Variants in SLC39A11 observed in about 807,000 individuals in gnomAD.
SLC39A11 encodes the protein solute carrier family 39 member 11, also known as zinc transporter ZIP11.
A neutral mutation model predicts 36.1 loss-of-function variants in SLC39A11; 33 were observed. The observed-to-expected ratio is 0.91, with a 90% CI of 0.69 to 1.22. The LOEUF (loss-of-function observed/expected upper bound fraction) is 1.22. Ranked by LOEUF, SLC39A11 falls within the 50% of genes most tolerant of loss-of-function variation. The pLI, the probability that SLC39A11 is intolerant of heterozygous loss-of-function variation, is 0.00. For missense variants in SLC39A11, 432 were observed against 430.3 expected, an observed-to-expected ratio of 1.00 and a Z score of -0.03; for synonymous variants, 166 against 170.3, an observed-to-expected ratio of 0.97 and a Z score of 0.20.
intron 3 of SLC39A11, among the ~76,000 whole-genome samples, chr17:73,063,825 T>C (rs1237585630): frequency 6.6e-6 from 1 of 152,202 alleles, no homozygotes; most frequent in Non-Finnish European, 1.5e-5. Flanking sequence ...GAAATCTTCA[T>C]GCATAATTAC....
chr17:72,887,511 G>C (rs187200462), intron 5 of SLC39A11, among the ~76,000 whole-genome samples: 8 of 152,340 alleles, frequency 5.3e-5, no homozygotes, highest in Non-Finnish European at 1.0e-4. Context: ...ACAAATGTCA[G>C]AATGCAACAC....
chr17:72,662,758 A>G (rs1383319750), intron 7 of SLC39A11, among the ~76,000 whole-genome samples: 1 of 151,492 alleles, frequency 6.6e-6, no homozygotes, highest in East Asian at 1.9e-4. Flanking sequence ...AAAGGAAGGA[A>G]AGGAAGGAAA....
intron 4 of SLC39A11, among the ~76,000 whole-genome samples, chr17:72,951,680 G>T (rs1047530232): frequency 2.0e-5 from 3 of 152,158 alleles, no homozygotes; most frequent in African/African-American, 7.2e-5. Flanking sequence ...ACATTGCCTG[G>T]CACAAACCAG....
Position 72,646,536 on chromosome 17 carries a change from C to T in SLC39A11, c.*1048G>A, listed in dbSNP as rs1434372353. 3 of 152,472 alleles carry T rather than the reference C, an allele frequency of 2.0e-5. No individual in the cohort carries two copies. The highest frequency in any genetic ancestry group is 4.4e-5 in the Non-Finnish European group (3 of 68,044). The allele number at this position is 152,472 out of a possible 1,614,324, so 9.4% of individuals were successfully genotyped here. The stretch of plus-strand genomic sequence containing the variant: ...AAATTACCTCTTCTTTTCCTATCCC[C>T]TTCTTCCTTTCCCATCCTGAGCCCT... On this transcript the variant is annotated 3_prime_UTR_variant, in exon 10 of 10. Coordinates refer to ENST00000255559, the MANE Select transcript of SLC39A11 (RefSeq NM_139177.4).
chr17:72,654,255 A>G (rs575197581), intron 7 of SLC39A11, among the ~76,000 whole-genome samples: 144 of 152,244 alleles, frequency 9.5e-4, no homozygotes, highest in African/African-American at 3.4e-3. Context: ...GGCATTGGGT[A>G]TAGGATCGGA....
At chr17:72,954,349 C>T (rs918460339) in intron 4 of SLC39A11, among the ~76,000 whole-genome samples, 1 of 152,240 alleles carries the variant, frequency 6.6e-6, no homozygotes, top group Non-Finnish European at 1.5e-5. Context: ...GAGGAAAGGC[C>T]AAGGCCAAGG....
intron 4 of SLC39A11, among the ~76,000 whole-genome samples, chr17:73,004,579 C>T (rs920158830): frequency 2.0e-5 from 3 of 152,202 alleles, no homozygotes; most frequent in Non-Finnish European, 2.9e-5. Flanking sequence ...CAATTCTGGC[C>T]CTGGCAATAA....
chr17:72,706,442 C>T (rs150254354), intron 7 of SLC39A11, among the ~76,000 whole-genome samples: 98 of 152,232 alleles, frequency 6.4e-4, no homozygotes, highest in Middle Eastern at 3.4e-3. Context: ...AGCACAGGGG[C>T]GTGTCTTGCC....
At chr17:72,891,722 A>G (rs2081754729) in intron 5 of SLC39A11, among the ~76,000 whole-genome samples, 1 of 152,044 alleles carries the variant, frequency 6.6e-6, no homozygotes, top group Non-Finnish European at 1.5e-5. Context: ...ATTAACACAC[A>G]CAGATACATA....
intron 2 of SLC39A11, among the ~76,000 whole-genome samples, chr17:73,086,882 G>C (rs1470631): frequency 1.3e-5 from 2 of 151,808 alleles, no homozygotes; most frequent in South Asian, 4.2e-4. Flanking sequence ...GCGAAACCCC[G>C]TCTCTACTAA....
chr17:72,688,389 A>C (rs1463106018), intron 7 of SLC39A11, among the ~76,000 whole-genome samples: 1 of 152,248 alleles, frequency 6.6e-6, no homozygotes, highest in Non-Finnish European at 1.5e-5. Flanking sequence ...CTCTACCTGG[A>C]AACCCTGCAG....
chr17:72,896,205 T>G (rs1451160170), intron 5 of SLC39A11, among the ~76,000 whole-genome samples: 2 of 134,760 alleles, frequency 1.5e-5, no homozygotes, highest in Admixed American at 7.4e-5. Flanking sequence ...TTTTTTTTTT[T>G]TTTTTTTTTT....
At chr17:72,923,197 T>C (rs2083802412) in intron 5 of SLC39A11, among the ~76,000 whole-genome samples, 1 of 152,056 alleles carries the variant, frequency 6.6e-6, no homozygotes, top group South Asian at 2.1e-4. Flanking sequence ...CTGCACAATG[T>C]CATACACTGT....
intron 6 of SLC39A11, among the ~76,000 whole-genome samples, chr17:72,807,486 A>C (rs970375971): frequency 6.6e-6 from 1 of 152,192 alleles, no homozygotes; most frequent in East Asian, 1.9e-4. Context: ...AGATAGTCTC[A>C]GGGTGGGCTG....
At chr17:72,652,117 GACAGT>G (rs1308869538) in intron 7 of SLC39A11, among the ~76,000 whole-genome samples, 2 of 152,180 alleles carry the variant, frequency 1.3e-5, no homozygotes, top group African/African-American at 4.8e-5. Context: ...AGTGGCTATG[GACAGT>G]ACATAAACCA....
intron 5 of SLC39A11, among the ~76,000 whole-genome samples, chr17:72,941,806 T>C (rs1340787823): frequency 4.6e-5 from 7 of 152,180 alleles, no homozygotes; most frequent in Non-Finnish European, 7.3e-5. Context: ...ATTGAGCCCT[T>C]TGCCCTCCTG....
intron 7 of SLC39A11, among the ~76,000 whole-genome samples, chr17:72,669,446 A>G (rs1371890053): frequency 6.6e-6 from 1 of 152,112 alleles, no homozygotes; most frequent in Non-Finnish European, 1.5e-5. Context: ...CTGGCCAGCT[A>G]TTTTGTAGAA....
chr17:72,748,198 T>C (rs933954959), intron 6 of SLC39A11, among the ~76,000 whole-genome samples: 3 of 152,102 alleles, frequency 2.0e-5, no homozygotes, highest in African/African-American at 7.2e-5. Flanking sequence ...GGTGGGAGCC[T>C]GTAGTCCCAG....
intron 5 of SLC39A11, among the ~76,000 whole-genome samples, chr17:72,916,217 C>A (rs2083322373): frequency 6.6e-6 from 1 of 152,208 alleles, no homozygotes; most frequent in Non-Finnish European, 1.5e-5. Flanking sequence ...GCACGTTACA[C>A]ATGCACACAC....
Sources: gnomAD v4.1 joint callset for allele counts (sites outside exome capture counted in the v4.1 genomes callset) on GRCh38, gnomAD v4.1.1 for gene constraint, MANE v1.5 for transcripts, NCBI Gene and HGNC (gene_info 2026-07-23, HGNC 2026-07-21) for gene names.